The following KALRN variants were observed in gnomAD, a reference collection of about 807,000 sequenced individuals.
KALRN encodes kalirin RhoGEF kinase.
A neutral mutation model predicts 353.7 loss-of-function variants in KALRN; 70 were observed. The ratio of observed to expected loss-of-function variants is 0.20; its 90% confidence interval spans 0.16 to 0.24. The LOEUF is 0.24. Ranked by LOEUF, KALRN falls within the 10% of genes least tolerant of loss-of-function variation. The pLI, the probability that KALRN is intolerant of heterozygous loss-of-function variation, is 1.00. For synonymous variants in KALRN, 1,391 were observed against 1,434.8 expected, an observed-to-expected ratio of 0.97 and a Z score of 0.69; for missense variants, 2,791 against 3,756.7, an observed-to-expected ratio of 0.74 and a Z score of 6.72.
intron 15 of KALRN, 103 bp from the exon 16 acceptor site, chr3:124,430,553 A>G (rs2093225547): frequency 6.5e-6 from 9 of 1,382,296 alleles, no homozygotes; most frequent in Non-Finnish European, 8.0e-6. Flanking sequence ...AACAGAAGAT[A>G]AAAGATAGTG....
intron 1 of KALRN, among the ~76,000 whole-genome samples, chr3:124,081,202 G>T (rs2060525468): frequency 6.6e-6 from 1 of 152,178 alleles, no homozygotes; most frequent in Non-Finnish European, 1.5e-5. Flanking sequence ...GGCACACGTT[G>T]CTCCTGGGCA....
intron 3 of KALRN, among the ~76,000 whole-genome samples, chr3:124,255,031 C>T (rs902717966): frequency 3.9e-5 from 6 of 152,062 alleles, no homozygotes; most frequent in South Asian, 2.1e-4. Context: ...CTGCAACCTC[C>T]GCCTCCCGGG....
At chr3:124,586,828 A>G (rs1156779541) in intron 34 of KALRN, among the ~76,000 whole-genome samples, 2 of 152,064 alleles carry the variant, frequency 1.3e-5, no homozygotes, top group Non-Finnish European at 2.9e-5. Context: ...TCATCAGAGG[A>G]CGATGGTGGG....
At chr3:124,366,886 ACCCCCCCACCTCCCTCCCG>A (rs2084822361) in intron 10 of KALRN, among the ~76,000 whole-genome samples, 2 of 111,318 alleles carry the variant, frequency 1.8e-5, no homozygotes, top group Admixed American at 8.6e-5. Flanking sequence ...CGGGGGGCTG[ACCCCCCCACCTCCCTCCCG>A]GATGGGGTGG....
intron 1 of KALRN, among the ~76,000 whole-genome samples, chr3:124,193,776 T>C (rs2075168174): frequency 6.6e-6 from 1 of 152,150 alleles, no homozygotes. Context: ...TTAATATATT[T>C]TCCCTAATAT....
At chr3:124,368,422 T>G in intron 10 of KALRN, among the ~76,000 whole-genome samples, 1 of 129,642 alleles carries the variant, frequency 7.7e-6, no homozygotes, top group African/African-American at 3.0e-5. Context: ...ACATCCCAGA[T>G]GGGGCGGCGG....
At chr3:124,616,677 A>G (rs1204773733) in intron 34 of KALRN, among the ~76,000 whole-genome samples, 2 of 152,134 alleles carry the variant, frequency 1.3e-5, no homozygotes, top group African/African-American at 2.4e-5. Context: ...GAACTTCTTA[A>G]GGAACTGGCC....
intron 34 of KALRN, among the ~76,000 whole-genome samples, chr3:124,625,833 C>A (rs2079886729): frequency 6.6e-6 from 1 of 152,188 alleles, no homozygotes; most frequent in Admixed American, 6.5e-5. Flanking sequence ...ATAATCCCAG[C>A]ACTTTGGGAG....
In KALRN at chr3:124,492,762, A is replaced by G. The variant is rs1428416626; in HGVS notation, c.4712A>G (p.Gln1571Arg). ...VLKASNIETK[Q>R]EWIKNIREVI... The stretch of plus-strand genomic sequence containing the variant: ...TAGGCCTCCAACATTGAAACCAAGC[A>G]GGAGTGGATCAAGAACATTCGAGAA... The change falls in exon 32 of 60, where the codon CAG becomes CGG. Residue 1571 changes from glutamine (Q) to arginine (R), a missense_variant. By Grantham distance (43) the Gln-to-Arg change is conservative. This residue lies in a region of KALRN where 239 missense variants were observed against 351.3 expected (regional missense o/e 0.68). Coordinates refer to ENST00000682506, the MANE Select transcript of KALRN (RefSeq NM_001388419.1). 6.2e-7 allele frequency: 1 copy of G among 1,614,046 alleles called. No homozygotes were observed. Among genetic ancestry groups the G allele is most frequent in the African/African-American group, 1.3e-5 (1 of 75,020 alleles).
intron 37 of KALRN, among the ~76,000 whole-genome samples, chr3:124,640,552 G>A (rs545640955): frequency 6.6e-6 from 1 of 151,988 alleles, no homozygotes; most frequent in Non-Finnish European, 1.5e-5. Context: ...CCAAAATGCT[G>A]GGATTACAGT....
In KALRN at chr3:124,228,352, T is replaced by C. The variant is rs71332728; in HGVS notation, c.148+288T>C. Among the ~76,000 whole-genome samples, 989 of 152,334 alleles carry C rather than the reference T, an allele frequency of 6.5e-3. 4 individuals carry two copies. The highest frequency in any genetic ancestry group is 8.1e-3 in the Non-Finnish European group (553 of 68,022). ...TGAGAGTTGCTCCAACTGGAGAATC[T>C]GTGCACTTGGCACATTCCTGGAGGT... On this transcript the variant is annotated intron_variant, in intron 2 of 59. Transcript: ENST00000682506.
rs1346525869 is a variant in KALRN, at chr3:124,162,913, T to C, written c.74-65077T>C. ...TTCTTCATGAGTGAGAGGAGGCCCA[T>C]GATGGAGATGACACCAGTACCTCCT... is the stretch of plus-strand genomic sequence containing the variant. On this transcript the variant is annotated intron_variant, in intron 1 of 59. Transcript: ENST00000682506. 4 of 152,216 alleles carry C rather than the reference T, an allele frequency of 2.6e-5. No individual in the cohort carries two copies. The South Asian group carries it at 8.3e-4, about 32-fold the overall frequency. The allele number at this position is 152,216 out of a possible 1,614,324, so 9.4% of individuals were successfully genotyped here. A position where few individuals can be genotyped will look rare whatever the true frequency, so the allele number is the denominator to read the frequency against.
At chr3:124,113,635 T>G (rs1479475255) in intron 1 of KALRN, among the ~76,000 whole-genome samples, 2 of 152,178 alleles carry the variant, frequency 1.3e-5, no homozygotes, top group Non-Finnish European at 2.9e-5. Flanking sequence ...CATTGGTAGT[T>G]TCTTTTAAGG....
chr3:124,595,877 A>C (rs1481416491), intron 34 of KALRN, among the ~76,000 whole-genome samples: 1 of 152,196 alleles, frequency 6.6e-6, no homozygotes, highest in Non-Finnish European at 1.5e-5. Context: ...AATTCATAGG[A>C]TATAGACTGA....
At chr3:124,576,783 G>A (rs1054979897) in intron 34 of KALRN, among the ~76,000 whole-genome samples, 3 of 152,166 alleles carry the variant, frequency 2.0e-5, no homozygotes, top group Non-Finnish European at 2.9e-5. Context: ...GGAAGGTGGC[G>A]TTGGCAGAAT....
At position 124,721,163 on chromosome 3, in the gene KALRN, T is replaced by A. The variant is rs1240564553; in HGVS notation, c.*1693T>A. ...TTATTCCCACAGAGAAAATGTAAAA[T>A]TAAAAATCATCATCTTTTTTTTTCC... On this transcript the variant is annotated 3_prime_UTR_variant, in exon 60 of 60. Transcript: ENST00000682506. 6.6e-6 allele frequency: 1 copy of A among 152,122 alleles called. No individual in the cohort carries two copies. Among genetic ancestry groups the A allele is most frequent in the African/African-American group, 2.4e-5 (1 of 41,416 alleles). 9.4% of individuals were successfully genotyped at this position (152,122 alleles called of 1,614,324 possible). A position where few individuals can be genotyped will look rare whatever the true frequency, so the allele number is the denominator to read the frequency against.
At chr3:124,299,347 T>G (rs1428826823) in intron 6 of KALRN, among the ~76,000 whole-genome samples, 2 of 152,170 alleles carry the variant, frequency 1.3e-5, no homozygotes, top group African/African-American at 4.8e-5. Context: ...CTAAGGGACA[T>G]GTGATTTCTG....
chr3:124,157,029 A>C (rs1560103538), intron 1 of KALRN, among the ~76,000 whole-genome samples: 1 of 152,226 alleles, frequency 6.6e-6, no homozygotes, highest in Non-Finnish European at 1.5e-5. Context: ...CACATTTAAA[A>C]ACCATTGTAT....
At position 124,334,204 on chromosome 3, in the gene KALRN, T is replaced by C; in HGVS notation, c.1417-61T>C. On this transcript the variant is annotated intron_variant, in intron 8 of 59. Transcript: ENST00000682506. The surrounding 1 kb of genome is among the most constrained non-coding windows in gnomAD (Gnocchi z 4.2). ...GGACCCTCAGGCAGACACTTCCTGC[T>C]TCTCTCTGTGCCCTGCCTATCACCC... is the stretch of plus-strand genomic sequence containing the variant. 7.1e-7 allele frequency: 1 copy of C among 1,415,182 alleles called. No individual in the cohort carries two copies. The highest frequency in any genetic ancestry group is 1.0e-6 in the Non-Finnish European group (1 of 1,001,970). The allele number at this position is 1,415,182 out of a possible 1,614,324, so 87.7% of individuals were successfully genotyped here.
Sources: allele counts gnomAD v4.1 joint callset (sites outside exome capture counted in the v4.1 genomes callset), GRCh38; gene constraint gnomAD v4.1.1; regional missense constraint gnomAD v4.1.1; non-coding constraint Gnocchi (gnomAD v3.1); transcripts MANE v1.5; gene names NCBI Gene and HGNC (gene_info 2026-07-23, HGNC 2026-07-21).